Variants in UNC13C observed in about 807,000 individuals in gnomAD.
The protein encoded by UNC13C is protein unc-13 homolog C.
Under a neutral mutation model 245.4 loss-of-function variants are expected in UNC13C, and 174 were observed. The ratio of observed to expected loss-of-function variants is 0.71; its 90% CI spans 0.63 to 0.80. The LOEUF is 0.80. UNC13C is among the 30% of genes least tolerant of loss of function. The probability of loss-of-function intolerance (pLI) is 0.00; values close to 1 mark genes in which losing one functional copy is unlikely to be tolerated. For missense variants in UNC13C, 2,829 were observed against 2,602.9 expected (o/e 1.09, Z -1.89); for synonymous variants, 992 against 895.1 (o/e 1.11, Z -1.93).
chr15:54,612,753 T>A (rs1900187090), intron 30 of UNC13C, among the ~76,000 whole-genome samples: 2 of 152,130 alleles, frequency 1.3e-5, no homozygotes, highest in Admixed American at 1.3e-4. Flanking sequence ...ATTTTAAAGC[T>A]ACCCTCCAAA....
the UNC13C span, among the ~76,000 whole-genome samples, chr15:53,897,346 T>A: frequency 6.6e-6 from 1 of 152,210 alleles, no homozygotes; most frequent in Non-Finnish European, 1.5e-5. Context: ...AACCTCCTGA[T>A]TACCAGCTCA....
intron 11 of UNC13C, among the ~76,000 whole-genome samples, chr15:54,294,415 T>C (rs16974456): frequency 0.054 from 8,161 of 152,154 alleles, 718 homozygotes; most frequent in African/African-American, 0.19. Context: ...CTATTTGACT[T>C]ATTTCCTTCT....
chr15:54,459,916 G>A (rs921869650), intron 19 of UNC13C, among the ~76,000 whole-genome samples: 1 of 151,856 alleles, frequency 6.6e-6, no homozygotes, highest in Non-Finnish European at 1.5e-5. Context: ...ATTTCTTCTT[G>A]GTTTGGATCC....
chr15:53,906,901 C>A, the UNC13C span, among the ~76,000 whole-genome samples: 1 of 152,256 alleles, frequency 6.6e-6, no homozygotes, highest in Non-Finnish European at 1.5e-5. Context: ...AACTTCCAAA[C>A]ACTTATTAAA....
chr15:54,264,313 A>G lies in UNC13C; in HGVS notation c.3594A>G (p.Glu1198=). The change falls in exon 9 of 33, where the codon GAA becomes GAG. Residue 1198 remains glutamate (E), a synonymous_variant. Coordinates refer to ENST00000260323, the MANE Select transcript of UNC13C (RefSeq NM_001080534.3). ...VIQEMFQISK[E]DFVQFTKAAK... is the part of the protein sequence containing the mutation. ...AGGAAATGTTTCAGATTTCTAAAGA[A>G]GATTTTGTGCAGTTTACAAAGGCGG... 1 of 1,605,650 alleles carries G rather than the reference A, an allele frequency of 6.2e-7. No individual in the cohort carries two copies. Among genetic ancestry groups the G allele is most frequent in the Non-Finnish European group, 8.5e-7 (1 of 1,175,780 alleles).
At position 54,250,366 on chromosome 15, in the gene UNC13C, C is replaced by A. The variant is rs1298290648; in HGVS notation, c.3370C>A (p.Gln1124Lys). The A allele has an allele frequency of 2.5e-6, 4 of 1,613,786 alleles. No homozygotes were observed. In the African/African-American group the frequency reaches 5.3e-5, roughly 22 times the overall value. The change falls in exon 8 of 33, where the codon CAA (glutamine) becomes AAA (lysine). Residue 1124 changes from glutamine to lysine, a missense_variant. Gln to Lys is a moderately conservative substitution (Grantham distance 53). Transcript: ENST00000260323. ...CEGLLWGIAR[Q>K]GMKCLECGVK... ...AGGGCTCCTGTGGGGCATTGCAAGG[C>A]AAGGCATGAAGTGTCTGGAGTGTGG...
chr15:54,143,471 G>A (rs1206609037), intron 3 of UNC13C, 149 bp from the exon 4 acceptor site: 4 of 604,146 alleles, frequency 6.6e-6, no homozygotes, highest in Non-Finnish European at 1.2e-5. Flanking sequence ...AAACACAGTA[G>A]CTTTGACTTG....
intron 17 of UNC13C, among the ~76,000 whole-genome samples, chr15:54,360,584 G>T (rs2039208337): frequency 6.6e-6 from 1 of 151,920 alleles, no homozygotes. Flanking sequence ...CATAAAGTCT[G>T]TTTTATCTGA....
At chr15:54,232,438 G>C (rs1596051983) in intron 4 of UNC13C, among the ~76,000 whole-genome samples, 1 of 152,224 alleles carries the variant, frequency 6.6e-6, no homozygotes, top group South Asian at 2.1e-4. Flanking sequence ...TGAAGTGTCA[G>C]GCCCAATAAT....
chr15:54,166,866 G>A (rs1470629958), intron 4 of UNC13C, among the ~76,000 whole-genome samples: 5 of 152,144 alleles, frequency 3.3e-5, no homozygotes, highest in Non-Finnish European at 7.4e-5. Context: ...TGCTATGTTA[G>A]TGGATTAGAA....
rs796110678 is a variant in UNC13C, at chr15:54,314,383, T to C, written c.4269-7556T>C. ...TCAGCCATTCCATATTGTATACATA[T>C]TTCAAACCAACATATTGTACATGAT... is the stretch of plus-strand genomic sequence containing the variant. On this transcript the variant is annotated intron_variant, in intron 13 of 32. Coordinates refer to ENST00000260323, the MANE Select transcript of UNC13C (RefSeq NM_001080534.3). 3.4e-4 allele frequency among the ~76,000 whole-genome samples: 52 copies of C among 151,912 alleles called. 1 individual carries two copies. The highest frequency in any genetic ancestry group is 1.2e-3 in the African/African-American group (51 of 41,542).
chr15:54,493,123 A>G (rs944119472), intron 19 of UNC13C, among the ~76,000 whole-genome samples: 1 of 152,160 alleles, frequency 6.6e-6, no homozygotes, highest in Non-Finnish European at 1.5e-5. Flanking sequence ...TCAGGGTAGT[A>G]TTGTGTGAAA....
At position 54,463,164 on chromosome 15, in the gene UNC13C, G is replaced by C. The variant is rs878909511; in HGVS notation, c.4934-31444G>C. 1.4e-4 allele frequency among the ~76,000 whole-genome samples: 21 copies of C among 148,478 alleles called. No homozygotes were observed. The Admixed American group carries it at 1.4e-3, about 10-fold the overall frequency. ...GCACCCTGTGTCTAGCTCAAGGTTT[G>C]TAAACACACCAGTCAGCACCCTGTC... On this transcript the variant is annotated intron_variant, in intron 19 of 32. Transcript: ENST00000260323.
intron 2 of UNC13C, among the ~76,000 whole-genome samples, chr15:54,096,534 A>G (rs1899873404): frequency 2.0e-5 from 3 of 152,170 alleles, no homozygotes. Flanking sequence ...CGCTTTCTTC[A>G]ATATGGATTA....
the UNC13C span, among the ~76,000 whole-genome samples, chr15:53,840,274 C>A: frequency 3.9e-5 from 6 of 152,074 alleles, no homozygotes; most frequent in Non-Finnish European, 8.8e-5. Flanking sequence ...GCACTATATG[C>A]CTGAGAAATT....
chr15:54,453,479 C>G (rs1321012370), intron 19 of UNC13C, among the ~76,000 whole-genome samples: 1 of 152,164 alleles, frequency 6.6e-6, no homozygotes. Context: ...AATATTCCAC[C>G]AAATCCATAA....
At chr15:54,295,118 G>A (rs954601090) in intron 11 of UNC13C, among the ~76,000 whole-genome samples, 3 of 151,956 alleles carry the variant, frequency 2.0e-5, no homozygotes, top group Non-Finnish European at 4.4e-5. Context: ...CTGCTATAAT[G>A]AGCCACCCCC....
intron 19 of UNC13C, among the ~76,000 whole-genome samples, chr15:54,443,278 CT>C: frequency 6.6e-6 from 1 of 151,976 alleles, no homozygotes; most frequent in East Asian, 1.9e-4. Flanking sequence ...TCAATTTTGA[CT>C]TTGTTTATTT....
At chr15:54,281,615 G>A (rs1286542509) in intron 10 of UNC13C, among the ~76,000 whole-genome samples, 5 of 152,226 alleles carry the variant, frequency 3.3e-5, no homozygotes, top group South Asian at 2.1e-4. Flanking sequence ...AGTCAAATAC[G>A]AAGTTGAAAA....
Sources: allele counts gnomAD v4.1 joint callset (sites outside exome capture counted in the v4.1 genomes callset), GRCh38; gene constraint gnomAD v4.1.1; transcripts MANE v1.5; gene names NCBI Gene and HGNC (gene_info 2026-07-23, HGNC 2026-07-21).